The following ATAD2 variants were observed in gnomAD, a reference collection of about 807,000 sequenced individuals.
The protein encoded by ATAD2 is ATPase family AAA domain containing 2.
Under a neutral mutation model 168.9 loss-of-function variants are expected in ATAD2, and 62 were observed. The ratio of observed to expected loss-of-function variants is 0.37; its 90% CI spans 0.30 to 0.45. ATAD2 has a LOEUF of 0.45. ATAD2 is among the 20% of genes least tolerant of loss of function. The pLI, the probability that ATAD2 is intolerant of heterozygous loss-of-function variation, is 1.00. For missense variants in ATAD2, 1,419 were observed against 1,667.8 expected, an observed-to-expected ratio of 0.85 and a Z score of 2.60; for synonymous variants, 613 against 571.6, an observed-to-expected ratio of 1.07 and a Z score of -1.03.
At chr8:123,349,074 T>G (rs565660397) in intron 14 of ATAD2, among the ~76,000 whole-genome samples, 3 of 152,180 alleles carry the variant, frequency 2.0e-5, no homozygotes, top group Admixed American at 1.3e-4. Context: ...AAGGCTACAC[T>G]CAAATTGAAA....
chr8:123,323,524 G>GT (rs770509649), intron 26 of ATAD2, among the ~76,000 whole-genome samples: 2 of 151,742 alleles, frequency 1.3e-5, no homozygotes, highest in Non-Finnish European at 2.9e-5. Flanking sequence ...TCTGCTAAGT[G>GT]TTTTTTTTCT....
At position 123,337,679 on chromosome 8, in the gene ATAD2, C is replaced by G; in HGVS notation, c.2997G>C (p.Arg999Ser). 1.9e-6 allele frequency: 3 copies of G among 1,613,472 alleles called. No homozygotes were observed. The highest frequency in any genetic ancestry group is 2.5e-6 in the Non-Finnish European group (3 of 1,179,766). The change falls in exon 21 of 28, where the codon AGG becomes AGC. Residue 999 changes from arginine to serine, a missense_variant. Transcript: ENST00000287394. Reference sequence around the variant, plus strand: ...CTCGGAATCGCTTGTCAATAGCAAGCCTATGTGTAACATTTCTTAAGAAAA... The same window carrying G: ...CTCGGAATCGCTTGTCAATAGCAAGGCTATGTGTAACATTTCTTAAGAAAA... ...LRIFLRNVTH[R>S]LAIDKRFRVF...
At position 123,365,995 on chromosome 8, in the gene ATAD2, T is replaced by G. The variant is rs538179623; in HGVS notation, c.1049+3063A>C. ...CAGAGTAAAAAGGCAACCCACAGTA[T>G]GGGAGAAAATCTTCACAATCTATAC... On this transcript the variant is annotated intron_variant, in intron 8 of 27. Transcript: ENST00000287394. Among the ~76,000 whole-genome samples the G allele has an allele frequency of 1.9e-3, 286 of 152,244 alleles. 2 individuals are homozygous for G. The highest frequency in any genetic ancestry group is 3.4e-3 in the Middle Eastern group (1 of 294).
intron 1 of ATAD2, among the ~76,000 whole-genome samples, chr8:123,408,826 T>C (rs1411667038): frequency 1.3e-5 from 2 of 148,670 alleles, no homozygotes; most frequent in Non-Finnish European, 3.0e-5. Context: ...CTGGAAGATA[T>C]ATTCTTTTTT....
At chr8:123,354,069 G>C (rs1799121184) in intron 13 of ATAD2, among the ~76,000 whole-genome samples, 1 of 152,178 alleles carries the variant, frequency 6.6e-6, no homozygotes, top group South Asian at 2.1e-4. Flanking sequence ...GGGAGGCAGA[G>C]GTTGCAGTGA....
At chr8:123,346,994 A>AAAT in intron 16 of ATAD2, 98 bp downstream of exon 16, 4 of 1,325,068 alleles carry the variant, frequency 3.0e-6, no homozygotes, top group Non-Finnish European at 4.1e-6. Context: ...AATTCTTTTC[A>AAAT]AGAGATTCTT....
intron 1 of ATAD2, among the ~76,000 whole-genome samples, chr8:123,409,993 TA>T (rs1352369060): frequency 6.6e-6 from 1 of 151,360 alleles, no homozygotes; most frequent in Non-Finnish European, 1.5e-5. Context: ...AAAAAAGCTT[TA>T]AAAAAAACCT....
intron 24 of ATAD2, 92 bp downstream of exon 24, chr8:123,333,786 A>T: frequency 7.4e-7 from 1 of 1,347,318 alleles, no homozygotes; most frequent in Non-Finnish European, 9.9e-7. Flanking sequence ...TCACTGCATT[A>T]ACACAAATAA....
chr8:123,378,701 C>A (rs369572131), intron 2 of ATAD2, among the ~76,000 whole-genome samples: 128 of 73,040 alleles, frequency 1.8e-3, no homozygotes, highest in South Asian at 3.3e-3. Flanking sequence ...GACTGTGTCT[C>A]AAAAAAAAAA....
intron 1 of ATAD2, among the ~76,000 whole-genome samples, chr8:123,408,830 C>CTTT (rs763955875): frequency 1.4e-5 from 2 of 140,952 alleles, no homozygotes; most frequent in Non-Finnish European, 3.1e-5. Flanking sequence ...AAGATATATT[C>CTTT]TTTTTTTTTT....
At chr8:123,324,867 T>A (rs1189138759) in intron 26 of ATAD2, among the ~76,000 whole-genome samples, 1 of 152,068 alleles carries the variant, frequency 6.6e-6, no homozygotes, top group Non-Finnish European at 1.5e-5. Flanking sequence ...GCTGTCAGAA[T>A]CACTTAGCTA....
chr8:123,321,010 T>C lies in ATAD2; in HGVS notation c.*124A>G. ...AAATATCAGGAAAGTTTAAATACTT[T>C]TATTTTACTATTTTAATCTTTTCCT... On this transcript the variant is annotated 3_prime_UTR_variant, in exon 28 of 28. Coordinates refer to ENST00000287394, the MANE Select transcript of ATAD2 (RefSeq NM_014109.4). 1 of 836,838 alleles carries C rather than the reference T, an allele frequency of 1.2e-6. No homozygotes were observed. Among genetic ancestry groups the C allele is most frequent in the South Asian group, 1.6e-5 (1 of 62,310 alleles). The allele number at this position is 836,838 out of a possible 1,614,324, so 51.8% of individuals were successfully genotyped here. A position where few individuals can be genotyped will look rare whatever the true frequency, so the allele number is the denominator to read the frequency against.
Position 123,387,681 on chromosome 8 carries a change from T to C in ATAD2, c.172-7004A>G, listed in dbSNP as rs1183876142. ...AGTTTTAAGAGAGGAAATGTTAGTA[T>C]TTTGTTAAATTTTAAGTTTCTCACA... is the stretch of plus-strand genomic sequence containing the variant. On this transcript the variant is annotated intron_variant, in intron 1 of 27. Coordinates refer to ENST00000287394, the MANE Select transcript of ATAD2 (RefSeq NM_014109.4). Among the ~76,000 whole-genome samples, 13 of 152,212 alleles carry C rather than the reference T, an allele frequency of 8.5e-5. No homozygotes were observed. In the East Asian group the frequency reaches 2.3e-3, roughly 27 times the overall value.
intron 9 of ATAD2, among the ~76,000 whole-genome samples, chr8:123,361,316 CAAA>C (rs60766157): frequency 8.8e-5 from 9 of 102,464 alleles, no homozygotes; most frequent in African/African-American, 1.5e-4. Context: ...GGCCCTGTCT[CAAA>C]AAAAAAAAAA....
chr8:123,380,727 A>C (rs770152426), intron 1 of ATAD2, 50 bp from the exon 2 acceptor site: 2 of 1,561,858 alleles, frequency 1.3e-6, no homozygotes, highest in Non-Finnish European at 1.7e-6. Flanking sequence ...ACAAAACTCC[A>C]ATTTAAATTC....
At chr8:123,386,312 A>G (rs1178710257) in intron 1 of ATAD2, among the ~76,000 whole-genome samples, 1 of 152,240 alleles carries the variant, frequency 6.6e-6, no homozygotes, top group East Asian at 1.9e-4. Flanking sequence ...AACATGGTAC[A>G]TACAATGGAA....
intron 19 of ATAD2, among the ~76,000 whole-genome samples, chr8:123,340,918 A>T (rs1828042720): frequency 6.6e-6 from 1 of 151,914 alleles, no homozygotes; most frequent in Non-Finnish European, 1.5e-5. Flanking sequence ...CTATATGCTT[A>T]AAAAAATGGA....
At chr8:123,343,188 C>T (rs1343208654) in intron 19 of ATAD2, among the ~76,000 whole-genome samples, 4 of 151,946 alleles carry the variant, frequency 2.6e-5, no homozygotes, top group African/African-American at 9.7e-5. Context: ...GTTGGCCAGG[C>T]TGGTCTTGAA....
At chr8:123,371,398 A>C in intron 4 of ATAD2, 60 bp from the exon 5 acceptor site, 3 of 1,384,756 alleles carry the variant, frequency 2.2e-6, no homozygotes, top group Non-Finnish European at 2.9e-6. Context: ...AATTTTAAAA[A>C]CTTTATTTTT....
Sources: gnomAD v4.1 joint callset for allele counts (sites outside exome capture counted in the v4.1 genomes callset) on GRCh38, gnomAD v4.1.1 for gene constraint, MANE v1.5 for transcripts, NCBI Gene and HGNC (gene_info 2026-07-23, HGNC 2026-07-21) for gene names.